The following MKLN1 variants were observed in gnomAD, a reference collection of about 807,000 sequenced individuals.
MKLN1 encodes the protein muskelin.
Under a neutral mutation model 99.0 loss-of-function variants are expected in MKLN1, and 18 were observed. The observed-to-expected ratio is 0.18, with a 90% CI of 0.13 to 0.27. The LOEUF (loss-of-function observed/expected upper bound fraction) is 0.27, where lower values mean the gene tolerates loss of function less well. Among genes scored for constraint, MKLN1 ranks in the 10% least tolerant of loss-of-function variants. The pLI is 1.00. For synonymous variants in MKLN1, 288 were observed against 293.2 expected, an observed-to-expected ratio of 0.98 and a Z score of 0.18; for missense variants, 621 against 875.9, an observed-to-expected ratio of 0.71 and a Z score of 3.67.
At chr7:131,239,154 T>G (rs1797365277) in intron 3 of MKLN1, among the ~76,000 whole-genome samples, 1 of 152,184 alleles carries the variant, frequency 6.6e-6, no homozygotes, top group South Asian at 2.1e-4. Flanking sequence ...TCCATTTATT[T>G]ATTTTTAAAA....
At chr7:131,421,751 GA>G (rs1386003714) in intron 8 of MKLN1, among the ~76,000 whole-genome samples, 1 of 152,032 alleles carries the variant, frequency 6.6e-6, no homozygotes, top group African/African-American at 2.4e-5. Flanking sequence ...TTTCACTATG[GA>G]AATGTTTTAA....
intron 3 of MKLN1, among the ~76,000 whole-genome samples, chr7:131,295,598 G>T (rs895589354): frequency 4.6e-5 from 7 of 151,992 alleles, no homozygotes; most frequent in Non-Finnish European, 7.4e-5. Context: ...AAATAGAGTG[G>T]CAAAAAGCCA....
chr7:131,335,527 G>A (rs770803835), intron 1 of MKLN1, among the ~76,000 whole-genome samples: 1 of 152,008 alleles, frequency 6.6e-6, no homozygotes, highest in Non-Finnish European at 1.5e-5. Flanking sequence ...TTTTGAATTG[G>A]TTGTTAATAA....
intron 3 of MKLN1, among the ~76,000 whole-genome samples, chr7:131,319,230 C>CAA (rs1487060453): frequency 1.5e-4 from 23 of 152,270 alleles, no homozygotes; most frequent in Admixed American, 6.5e-4. Flanking sequence ...AGCAGCACAT[C>CAA]AAAAAGCTTA....
chr7:131,323,515 T>G (rs1196231996), upstream of MKLN1: 1 of 152,186 alleles, frequency 6.6e-6, no homozygotes, highest in Non-Finnish European at 1.5e-5. Context: ...TATCAAAAGA[T>G]CCCCATTTTT....
chr7:131,286,947 A>T (rs529646011), intron 3 of MKLN1, among the ~76,000 whole-genome samples: 74 of 152,254 alleles, frequency 4.9e-4, no homozygotes, highest in Non-Finnish European at 9.4e-4. Flanking sequence ...ATATACTTTT[A>T]AAAAAATTAG....
chr7:131,441,704 T>G (rs1246818904), intron 10 of MKLN1, among the ~76,000 whole-genome samples: 1 of 152,224 alleles, frequency 6.6e-6, no homozygotes, highest in East Asian at 1.9e-4. Context: ...ACTTCAGCCC[T>G]GCAAACAAAT....
intron 3 of MKLN1, among the ~76,000 whole-genome samples, chr7:131,295,413 T>C (rs1798276195): frequency 6.6e-6 from 1 of 151,704 alleles, no homozygotes; most frequent in South Asian, 2.1e-4. Context: ...AGAATAAAAA[T>C]GACAACAACA....
chr7:131,461,454 G>GGTGT (rs150625082), intron 12 of MKLN1, among the ~76,000 whole-genome samples: 5 of 150,754 alleles, frequency 3.3e-5, no homozygotes, highest in South Asian at 2.1e-4. Context: ...CAAATTGTAT[G>GGTGT]GTGTGTGTGT....
chr7:131,365,496 A>G (rs548140271), intron 1 of MKLN1, among the ~76,000 whole-genome samples: 3 of 151,724 alleles, frequency 2.0e-5, no homozygotes, highest in Non-Finnish European at 4.4e-5. Flanking sequence ...ATTGTTTTTT[A>G]TTTGTCTTGA....
chr7:131,297,823 G>A (rs1798315890), intron 3 of MKLN1, among the ~76,000 whole-genome samples: 1 of 152,138 alleles, frequency 6.6e-6, no homozygotes. Flanking sequence ...AGGAAGATTT[G>A]ATCAGAGCAG....
intron 1 of MKLN1, among the ~76,000 whole-genome samples, chr7:131,133,282 T>C (rs1795587119): frequency 6.6e-6 from 1 of 151,104 alleles, no homozygotes; most frequent in African/African-American, 2.4e-5. Context: ...GAGTCTTCAC[T>C]CAAGCCACTC....
chr7:131,397,554 C>T (rs1264352403), intron 5 of MKLN1, among the ~76,000 whole-genome samples, 178 bp downstream of exon 5: 6 of 152,166 alleles, frequency 3.9e-5, no homozygotes, highest in African/African-American at 1.4e-4. Context: ...CTCACTTAGT[C>T]ATTATCACTC....
At chr7:131,382,908 A>G (rs1387585320) in intron 2 of MKLN1, among the ~76,000 whole-genome samples, 1 of 152,032 alleles carries the variant, frequency 6.6e-6, no homozygotes, top group African/African-American at 2.4e-5. Flanking sequence ...TATTTTTAGT[A>G]GAGACAGGGT....
chr7:131,368,896 A>C (rs573935004), intron 1 of MKLN1, among the ~76,000 whole-genome samples: 3 of 152,148 alleles, frequency 2.0e-5, no homozygotes, highest in African/African-American at 7.2e-5. Flanking sequence ...CAAGAAAATA[A>C]GTAAAATCTC....
intron 2 of MKLN1, among the ~76,000 whole-genome samples, chr7:131,201,660 A>G (rs1386057678): frequency 6.6e-6 from 1 of 152,234 alleles, no homozygotes; most frequent in Non-Finnish European, 1.5e-5. Context: ...TTTACTACGT[A>G]TAAAGCAAAT....
intron 1 of MKLN1, among the ~76,000 whole-genome samples, chr7:131,332,387 A>G (rs1799103086): frequency 1.3e-5 from 2 of 148,434 alleles, no homozygotes; most frequent in South Asian, 4.2e-4. Flanking sequence ...CTTTGTCTCT[A>G]CAAAAGAAAA....
At position 131,255,565 on chromosome 7, in the gene MKLN1, C is replaced by T. The variant is rs12113502; in HGVS notation, c.-179+52591C>T. Among the ~76,000 whole-genome samples, 757 of 151,646 alleles carry T rather than the reference C, an allele frequency of 5.0e-3. 8 individuals carry two copies. Among genetic ancestry groups the T allele is most frequent in the African/African-American group, 0.018 (736 of 40,972 alleles). On this transcript the variant is annotated intron_variant, in intron 3 of 7. Coordinates refer to the MKLN1 transcript ENST00000416992. ...TGTCAACTAGTTGTTGTCTATCTATCTATCATCTATCTATCTCTCTATTTA... is the reference window on the plus strand; with the variant it reads ...TGTCAACTAGTTGTTGTCTATCTATTTATCATCTATCTATCTCTCTATTTA...
chr7:131,416,792 G>A (rs1446491852), intron 8 of MKLN1, among the ~76,000 whole-genome samples: 1 of 151,712 alleles, frequency 6.6e-6, no homozygotes, highest in African/African-American at 2.4e-5. Flanking sequence ...GACCAGCCTA[G>A]GCAGCATAGT....
Sources: gnomAD v4.1 joint callset for allele counts (sites outside exome capture counted in the v4.1 genomes callset) on GRCh38, gnomAD v4.1.1 for gene constraint, MANE v1.5 for transcripts, NCBI Gene and HGNC (gene_info 2026-07-23, HGNC 2026-07-21) for gene names.